ZBTB40: variants seen among roughly 807,000 people sequenced by gnomAD.
ZBTB40 encodes zinc finger and BTB domain-containing protein 40.
A neutral mutation model predicts 117.5 loss-of-function variants in ZBTB40; 60 were observed. The ratio of observed to expected loss-of-function variants is 0.51; its 90% CI spans 0.41 to 0.63. ZBTB40 has a LOEUF of 0.63. Ranked by LOEUF, ZBTB40 falls within the 30% of genes least tolerant of loss-of-function variation. The pLI, the probability that ZBTB40 is intolerant of heterozygous loss-of-function variation, is 0.00. For synonymous variants in ZBTB40, 525 were observed against 577.1 expected, an observed-to-expected ratio of 0.91 and a Z score of 1.29; for missense variants, 1,287 against 1,498.5, an observed-to-expected ratio of 0.86 and a Z score of 2.33.
At chr1:22,434,002 C>T (rs1431945226) in intron 1 of ZBTB40, among the ~76,000 whole-genome samples, 1 of 151,932 alleles carries the variant, frequency 6.6e-6, no homozygotes, top group Non-Finnish European at 1.5e-5. Flanking sequence ...ATTATTGGGT[C>T]ACTGGGAAAA....
chr1:22,442,612 C>T (rs1339219717), intron 1 of ZBTB40, among the ~76,000 whole-genome samples: 1 of 152,106 alleles, frequency 6.6e-6, no homozygotes, highest in Admixed American at 6.6e-5. Flanking sequence ...TTCTTGTGAC[C>T]TCCCCCATGC....
intron 1 of ZBTB40, among the ~76,000 whole-genome samples, chr1:22,474,620 T>C (rs775458152): frequency 3.9e-5 from 6 of 152,214 alleles, no homozygotes; most frequent in Non-Finnish European, 8.8e-5. Flanking sequence ...GCTCTAATTA[T>C]GTTGAGAGTG....
At chr1:22,514,338 A>G (rs1557520076) in intron 12 of ZBTB40, among the ~76,000 whole-genome samples, 1 of 152,188 alleles carries the variant, frequency 6.6e-6, no homozygotes, top group Non-Finnish European at 1.5e-5. Flanking sequence ...CTATCAGGTC[A>G]CTTCTCTGCT....
chr1:22,504,314 T>C (rs1639022737), intron 5 of ZBTB40, among the ~76,000 whole-genome samples: 1 of 152,174 alleles, frequency 6.6e-6, no homozygotes, highest in Non-Finnish European at 1.5e-5. Context: ...CAGGAACATA[T>C]TTACATGAGG....
chr1:22,454,569 C>T (rs1475910604), intron 1 of ZBTB40, among the ~76,000 whole-genome samples: 3 of 152,028 alleles, frequency 2.0e-5, no homozygotes, highest in South Asian at 2.1e-4. Flanking sequence ...AAGGGAGAGA[C>T]GAAGCTGGGA....
chr1:22,507,635 C>T (rs754396948), intron 6 of ZBTB40, among the ~76,000 whole-genome samples: 7 of 152,148 alleles, frequency 4.6e-5, no homozygotes, highest in African/African-American at 2.4e-5. Context: ...GATTCGTGCT[C>T]GTCTTTAGGA....
intron 1 of ZBTB40, among the ~76,000 whole-genome samples, chr1:22,476,344 G>C (rs572121834): frequency 6.6e-6 from 1 of 151,984 alleles, no homozygotes; most frequent in African/African-American, 2.4e-5. Flanking sequence ...TCAGCCTCCC[G>C]AGTAGCTGAG....
intron 16 of ZBTB40, among the ~76,000 whole-genome samples, chr1:22,522,809 A>G (rs567588379): frequency 3.3e-5 from 5 of 150,454 alleles, no homozygotes; most frequent in Non-Finnish European, 7.4e-5. Context: ...TCTGTCACCC[A>G]GCCTGGAGTG....
chr1:22,468,632 T>A (rs1342750683), intron 1 of ZBTB40, among the ~76,000 whole-genome samples: 1 of 139,544 alleles, frequency 7.2e-6, no homozygotes, highest in Non-Finnish European at 1.5e-5. Context: ...TGTGCCACCA[T>A]GCCTGGCTGG....
intron 3 of ZBTB40, among the ~76,000 whole-genome samples, chr1:22,496,386 C>G (rs181820828): frequency 6.6e-6 from 1 of 152,048 alleles, no homozygotes; most frequent in Admixed American, 6.5e-5. Flanking sequence ...ACTACGTTGC[C>G]TGGGAGGCAC....
At chr1:22,433,432 C>CAAAAAACAAAAACAAAAACAAAAACA (rs1491371695) in intron 1 of ZBTB40, among the ~76,000 whole-genome samples, 1 of 8,768 alleles carries the variant, frequency 1.1e-4, no homozygotes, top group African/African-American at 2.5e-4. Context: ...GACGCCCTCT[C>CAAAAAACAAAAACAAAAACAAAAACA]AAAAAAAAAA....
intron 1 of ZBTB40, among the ~76,000 whole-genome samples, chr1:22,463,034 T>G (rs1394403622): frequency 1.3e-5 from 2 of 152,244 alleles, no homozygotes; most frequent in African/African-American, 4.8e-5. Flanking sequence ...GAACTGCTGT[T>G]TATGTGTATT....
At chr1:22,477,316 A>C (rs1255480364) in intron 1 of ZBTB40, among the ~76,000 whole-genome samples, 8 of 152,244 alleles carry the variant, frequency 5.3e-5, no homozygotes, top group Non-Finnish European at 1.0e-4. Context: ...TAACACATAC[A>C]GTGCTTAACA....
chr1:22,521,112 G>A (rs532790092), intron 14 of ZBTB40, among the ~76,000 whole-genome samples: 10 of 152,376 alleles, frequency 6.6e-5, no homozygotes, highest in Non-Finnish European at 1.3e-4. Flanking sequence ...AAGCACACAG[G>A]TGTTACAGTT....
chr1:22,432,438 C>A (rs1213669168), intron 1 of ZBTB40, among the ~76,000 whole-genome samples: 1 of 152,162 alleles, frequency 6.6e-6, no homozygotes, highest in East Asian at 1.9e-4. Context: ...TGGAGCTGCT[C>A]TATCTAATGT....
At position 22,511,750 on chromosome 1, in the gene ZBTB40, AAAG is replaced by A. The variant is rs571072136; in HGVS notation, c.2082_2084del (p.Glu694del). 10 of 1,608,630 alleles carry A rather than the reference AAAG, an allele frequency of 6.2e-6. No individual in the cohort carries two copies. The South Asian group carries it at 1.0e-4, about 16-fold the overall frequency. On this transcript the variant is annotated inframe_deletion, in exon 11 of 18. Transcript: ENST00000375647. ...TAAATTTCACCTTGAAGCCAACAAC[AAAG>A]AAGATGAAAAGGCAGCCAAAGAAGA...
At position 22,494,909 on chromosome 1, in the gene ZBTB40, C is replaced by T. The variant is rs895518848; in HGVS notation, c.831+3376C>T. On this transcript the variant is annotated intron_variant, in intron 3 of 17. Coordinates refer to ENST00000375647, the MANE Select transcript of ZBTB40 (RefSeq NM_014870.4). ...CACCATAAGGCTTCAGCAATGAGCG[C>T]ATTTAAGAGCTGTTCACTTAGAACA... 2.0e-5 allele frequency among the ~76,000 whole-genome samples: 3 copies of T among 152,196 alleles called. No homozygotes were observed. In the South Asian group the frequency reaches 6.2e-4, roughly 32 times the overall value.
At chr1:22,429,681 A>AT (rs1051529747) in intron 1 of ZBTB40, among the ~76,000 whole-genome samples, 33 of 151,926 alleles carry the variant, frequency 2.2e-4, no homozygotes, top group African/African-American at 7.0e-4. Flanking sequence ...GGAAATCTAC[A>AT]TTTTTTTTCC....
chr1:22,450,046 C>T (rs186430605), upstream of ZBTB40, among the ~76,000 whole-genome samples: 138 of 151,988 alleles, frequency 9.1e-4, no homozygotes, highest in African/African-American at 3.1e-3. Context: ...CAGGTTCAAG[C>T]GATTCTCCTG....
Sources: gnomAD v4.1 joint callset for allele counts (sites outside exome capture counted in the v4.1 genomes callset) on GRCh38, gnomAD v4.1.1 for gene constraint, MANE v1.5 for transcripts, NCBI Gene and HGNC (gene_info 2026-07-23, HGNC 2026-07-21) for gene names.